The following PLXNA4 variants were observed in gnomAD, a reference collection of about 807,000 sequenced individuals.
PLXNA4 encodes the protein plexin A4.
In PLXNA4, 44 loss-of-function variants were observed where a neutral mutation model predicts 191.8. The ratio of observed to expected loss-of-function variants is 0.23; its 90% CI spans 0.18 to 0.29. The LOEUF (loss-of-function observed/expected upper bound fraction) is 0.29. PLXNA4 is among the 10% of genes least tolerant of loss of function. PLXNA4 has a pLI of 1.00. For synonymous variants in PLXNA4, 1,082 were observed against 1,009.5 expected (o/e 1.07, Z -1.36); for missense variants, 1,800 against 2,488.8 (o/e 0.72, Z 5.89).
Position 132,452,197 on chromosome 7 carries a change from C to T in PLXNA4, c.1371+37095G>A, listed in dbSNP as rs565282013. ...GATAATTCCAAAGGAAATCAAAAAC[C>T]TTTATCTGTCATCATCTCCCCCAGC... On this transcript the variant is annotated intron_variant, in intron 3 of 31. Coordinates refer to ENST00000321063, the MANE Select transcript of PLXNA4 (RefSeq NM_020911.2). 5.4e-4 allele frequency among the ~76,000 whole-genome samples: 82 copies of T among 152,314 alleles called. 2 individuals are homozygous for T. In the South Asian group the frequency reaches 0.016, roughly 30 times the overall value.
chr7:132,353,220 C>G (rs1355972060), intron 3 of PLXNA4, among the ~76,000 whole-genome samples: 2 of 152,170 alleles, frequency 1.3e-5, no homozygotes, highest in African/African-American at 4.8e-5. Flanking sequence ...GTCTGGTTGG[C>G]TGGCTGAGAT....
intron 4 of PLXNA4, among the ~76,000 whole-genome samples, chr7:132,247,224 G>C (rs1434803853): frequency 6.6e-6 from 1 of 152,160 alleles, no homozygotes; most frequent in Non-Finnish European, 1.5e-5. Flanking sequence ...TGCAGTCTCT[G>C]TGTGTATCTC....
chr7:132,581,977 G>C (rs779002210), upstream of PLXNA4, among the ~76,000 whole-genome samples: 1 of 152,208 alleles, frequency 6.6e-6, no homozygotes, highest in African/African-American at 2.4e-5. Flanking sequence ...GAGGGAGGGA[G>C]GGGGTGTGAC....
intron 3 of PLXNA4, among the ~76,000 whole-genome samples, chr7:132,471,711 C>A (rs190295799): frequency 6.6e-6 from 1 of 152,152 alleles, no homozygotes; most frequent in African/African-American, 2.4e-5. Context: ...ACCACAGATG[C>A]CTTGGAGTGG....
chr7:132,225,951 C>G (rs1279845817), intron 8 of PLXNA4, among the ~76,000 whole-genome samples: 1 of 149,958 alleles, frequency 6.7e-6, no homozygotes, highest in Non-Finnish European at 1.5e-5. Context: ...TTCCATTAAC[C>G]CTGTGGGTAC....
intron 2 of PLXNA4, among the ~76,000 whole-genome samples, chr7:132,617,701 C>T (rs1020227436): frequency 1.7e-4 from 26 of 152,138 alleles, no homozygotes; most frequent in Admixed American, 1.0e-3. Flanking sequence ...GATCCAAGGA[C>T]TGCTACTGAA....
chr7:132,397,725 A>C lies in PLXNA4; in HGVS notation c.1371+91567T>G, dbSNP rs189806901. Among the ~76,000 whole-genome samples, 4 of 152,342 alleles carry C rather than the reference A, an allele frequency of 2.6e-5. No individual in the cohort carries two copies. In the East Asian group the frequency reaches 5.8e-4, roughly 22 times the overall value. On this transcript the variant is annotated intron_variant, in intron 3 of 31. Transcript: ENST00000321063. ...CTTGACCTATGCTGGGGGCCTTCCT[A>C]CTGGGCCAAAGGCCATCATGGTCAT...
intron 3 of PLXNA4, among the ~76,000 whole-genome samples, chr7:132,298,525 G>A (rs1029447896): frequency 6.6e-6 from 1 of 152,222 alleles, no homozygotes; most frequent in African/African-American, 2.4e-5. Context: ...TGGAGAAAAA[G>A]ATGAGGCTCT....
intron 4 of PLXNA4, among the ~76,000 whole-genome samples, chr7:132,295,924 G>A (rs974089660): frequency 2.0e-5 from 3 of 152,174 alleles, no homozygotes; most frequent in Admixed American, 1.3e-4. Flanking sequence ...ACCAACATAG[G>A]ACAGTAAAGA....
At chr7:132,173,431 C>T (rs145015187) in intron 21 of PLXNA4, among the ~76,000 whole-genome samples, 137 of 152,260 alleles carry the variant, frequency 9.0e-4, no homozygotes, top group Non-Finnish European at 1.2e-3. Flanking sequence ...GGTGCCTTGT[C>T]GATGAGGACA....
intron 3 of PLXNA4, among the ~76,000 whole-genome samples, chr7:132,430,406 T>G (rs1282348279): frequency 6.6e-6 from 1 of 151,948 alleles, no homozygotes; most frequent in East Asian, 1.9e-4. Context: ...AATGGTTAAG[T>G]AGCACAAGGC....
rs1328866150 is a variant in PLXNA4, at chr7:132,123,361, T to TAA, written c.*7116_*7117dup. The TAA allele has an allele frequency of 6.6e-6, 1 of 152,190 alleles. No individual in the cohort carries two copies. Among genetic ancestry groups the TAA allele is most frequent in the African/African-American group, 2.4e-5 (1 of 41,460 alleles). 9.4% of individuals were successfully genotyped at this position (152,190 alleles called of 1,614,324 possible). A position where few individuals can be genotyped will look rare whatever the true frequency, so the allele number is the denominator to read the frequency against. On this transcript the variant is annotated 3_prime_UTR_variant, in exon 32 of 32. Coordinates refer to ENST00000321063, the MANE Select transcript of PLXNA4 (RefSeq NM_020911.2). ...AAACTGCATTTTTATTATTTTTTAA[T>TAA]AAACTTTATTCTATATTACAAATAA... is the stretch of plus-strand genomic sequence containing the variant.
intron 3 of PLXNA4, among the ~76,000 whole-genome samples, chr7:132,341,258 T>C (rs1803015170): frequency 6.6e-6 from 1 of 152,154 alleles, no homozygotes; most frequent in Non-Finnish European, 1.5e-5. Flanking sequence ...TCTCCAACCC[T>C]TGGGTTTTGC....
chr7:132,628,834 T>C (rs1445283695), intron 2 of PLXNA4, among the ~76,000 whole-genome samples: 1 of 152,226 alleles, frequency 6.6e-6, no homozygotes, highest in Admixed American at 6.5e-5. Context: ...TCTCAAAGCA[T>C]TTTCATCATG....
intron 2 of PLXNA4, among the ~76,000 whole-genome samples, chr7:132,589,855 C>T (rs1180423773): frequency 6.6e-6 from 1 of 152,142 alleles, no homozygotes; most frequent in Non-Finnish European, 1.5e-5. Flanking sequence ...GTGGTGACAT[C>T]TGGACTGGGA....
chr7:132,180,860 T>TA, intron 18 of PLXNA4, 128 bp from the exon 19 acceptor site: 1 of 1,430,958 alleles, frequency 7.0e-7, no homozygotes, highest in East Asian at 2.5e-5. Flanking sequence ...CCTTTGGTAA[T>TA]AAGTGCAAAA....
intron 1 of PLXNA4, among the ~76,000 whole-genome samples, chr7:132,567,383 T>G (rs1801784193): frequency 6.8e-6 from 1 of 147,484 alleles, no homozygotes; most frequent in Non-Finnish European, 1.5e-5. Context: ...TGCATCCATG[T>G]GCAAGACCAC....
chr7:132,534,780 G>A (rs185126545), intron 1 of PLXNA4, among the ~76,000 whole-genome samples: 7 of 152,326 alleles, frequency 4.6e-5, no homozygotes, highest in South Asian at 4.1e-4. Flanking sequence ...AAGAATGGGC[G>A]CCATTACTGG....
At chr7:132,305,217 C>T (rs761807461) in intron 3 of PLXNA4, among the ~76,000 whole-genome samples, 5 of 152,106 alleles carry the variant, frequency 3.3e-5, no homozygotes, top group Non-Finnish European at 7.4e-5. Flanking sequence ...CTAACAATTG[C>T]ATAGATGCAT....
Sources: allele counts gnomAD v4.1 joint callset (sites outside exome capture counted in the v4.1 genomes callset), GRCh38; gene constraint gnomAD v4.1.1; transcripts MANE v1.5; gene names NCBI Gene and HGNC (gene_info 2026-07-23, HGNC 2026-07-21).